Variants in KCNH7 observed in about 807,000 individuals in gnomAD.
The protein encoded by KCNH7 is voltage-gated inwardly rectifying potassium channel KCNH7.
Under a neutral mutation model 120.8 loss-of-function variants are expected in KCNH7, and 49 were observed. The observed-to-expected ratio is 0.41, with a 90% CI of 0.32 to 0.51. KCNH7 has a LOEUF of 0.51. KCNH7 is among the 20% of genes least tolerant of loss of function. The pLI is 0.38. For missense variants in KCNH7, 1,097 were observed against 1,446.6 expected (o/e 0.76, Z 3.92); for synonymous variants, 547 against 516.1 (o/e 1.06, Z -0.81).
chr2:162,659,491 G>A (rs765685372), intron 2 of KCNH7, among the ~76,000 whole-genome samples: 6 of 151,822 alleles, frequency 4.0e-5, no homozygotes, highest in East Asian at 1.9e-4. Context: ...ACAGGCATGC[G>A]CCACCACACC....
intron 2 of KCNH7, among the ~76,000 whole-genome samples, chr2:162,807,256 C>CAAAAAAA (rs745345993): frequency 1.9e-3 from 29 of 15,622 alleles, no homozygotes; most frequent in South Asian, 4.5e-3. Flanking sequence ...ACTAAAAATA[C>CAAAAAAA]AAAAAAAAAA....
chr2:162,827,283 C>T (rs1685321706), intron 2 of KCNH7, among the ~76,000 whole-genome samples: 1 of 151,992 alleles, frequency 6.6e-6, no homozygotes, highest in Non-Finnish European at 1.5e-5. Context: ...GAAAAGGACA[C>T]CATGTATGTC....
intron 6 of KCNH7, among the ~76,000 whole-genome samples, chr2:162,452,901 G>A (rs1361022204): frequency 1.3e-5 from 2 of 151,868 alleles, no homozygotes; most frequent in Non-Finnish European, 2.9e-5. Context: ...GAAACGGTTG[G>A]TCTCTCAAGG....
intron 2 of KCNH7, among the ~76,000 whole-genome samples, chr2:162,683,473 G>A (rs980283638): frequency 6.6e-6 from 1 of 151,734 alleles, no homozygotes. Flanking sequence ...ATTGAGATAG[G>A]GAAATTAGAT....
Position 162,373,528 on chromosome 2 carries a change from C to A in KCNH7, c.3266G>T (p.Arg1089Ile). ...EYQRPIIQLM[R>I]TSQPEASIKT... ...GATGGATGCTTCCGGTTGACTGGTT[C>A]TCATCAGCTGGATGATGGGTCTCTG... Residue 1089 changes from arginine to isoleucine, a missense_variant, in exon 15 of 16, where the codon AGA (arginine) becomes ATA (isoleucine). By Grantham distance (97) the Arg-to-Ile change is moderately conservative (BLOSUM62 -3). Coordinates refer to ENST00000332142, the MANE Select transcript of KCNH7 (RefSeq NM_033272.4). The A allele has an allele frequency of 6.3e-7, 1 of 1,587,616 alleles. No individual in the cohort carries two copies. The highest frequency in any genetic ancestry group is 8.6e-7 in the Non-Finnish European group (1 of 1,167,066).
At position 162,628,989 on chromosome 2, in the gene KCNH7, T is replaced by G. The variant is rs367642504; in HGVS notation, c.308-91909A>C. 7.2e-4 allele frequency among the ~76,000 whole-genome samples: 109 copies of G among 152,172 alleles called. 2 individuals are homozygous for G. In the South Asian group the frequency reaches 0.018, roughly 25 times the overall value. On this transcript the variant is annotated intron_variant, in intron 2 of 15. Transcript: ENST00000332142. ...TAAGGGCAGTAGGAATATGGCAGTA[T>G]AGCATAGAGGATTGGGACAAGGCCA...
chr2:162,467,042 T>C (rs1268894224), intron 6 of KCNH7, among the ~76,000 whole-genome samples: 1 of 152,208 alleles, frequency 6.6e-6, no homozygotes, highest in Non-Finnish European at 1.5e-5. Context: ...ATTTTAGTTC[T>C]TTCCTATGAC....
At chr2:162,785,863 T>C (rs1683681468) in intron 2 of KCNH7, among the ~76,000 whole-genome samples, 1 of 152,198 alleles carries the variant, frequency 6.6e-6, no homozygotes, top group Admixed American at 6.5e-5. Flanking sequence ...CACTGAATTG[T>C]AACTGTACCA....
chr2:162,390,134 C>G (rs1357156276), intron 12 of KCNH7, among the ~76,000 whole-genome samples: 2 of 151,770 alleles, frequency 1.3e-5, no homozygotes, highest in Non-Finnish European at 2.9e-5. Context: ...CACTTTGATA[C>G]TGTATTTTCT....
At chr2:162,628,615 C>G (rs1683642921) in intron 2 of KCNH7, among the ~76,000 whole-genome samples, 1 of 151,940 alleles carries the variant, frequency 6.6e-6, no homozygotes, top group Admixed American at 6.6e-5. Context: ...TTCAATAGGC[C>G]CCCGTGTGTG....
chr2:162,373,831 T>C (rs1686057272), intron 14 of KCNH7, among the ~76,000 whole-genome samples, 169 bp from the exon 15 acceptor site: 1 of 152,232 alleles, frequency 6.6e-6, no homozygotes. Flanking sequence ...TTACTGTGTA[T>C]GTCTCACTAA....
intron 6 of KCNH7, among the ~76,000 whole-genome samples, chr2:162,484,370 T>A (rs1690025460): frequency 6.6e-6 from 1 of 152,080 alleles, no homozygotes; most frequent in South Asian, 2.1e-4. Flanking sequence ...TGGTCCCCAT[T>A]CTCCTTTTCA....
At chr2:162,416,020 T>C (rs1454755334) in intron 9 of KCNH7, among the ~76,000 whole-genome samples, 2 of 152,180 alleles carry the variant, frequency 1.3e-5, no homozygotes, top group Non-Finnish European at 2.9e-5. Context: ...CTTTGTTCTT[T>C]AGATATCTAG....
intron 2 of KCNH7, among the ~76,000 whole-genome samples, chr2:162,548,048 A>T (rs1004232447): frequency 6.6e-6 from 1 of 152,194 alleles, no homozygotes; most frequent in Admixed American, 6.5e-5. Flanking sequence ...CTCTTCTCAC[A>T]AAAGTTCATA....
At position 162,518,106 on chromosome 2, in the gene KCNH7, C is replaced by T; in HGVS notation, c.516G>A (p.Lys172=). ...FPGLRVLTYR[K]QSLPQEDPDV... is the part of the protein sequence containing the mutation. ...CGGGGTCTTCTTGTGGTAAGGACTGCTTTCTGTAAGTGAGAACTCTCAGAC... is the reference window on the plus strand; with the variant it reads ...CGGGGTCTTCTTGTGGTAAGGACTGTTTTCTGTAAGTGAGAACTCTCAGAC... The change falls in exon 4 of 16, where the codon AAG becomes AAA. Residue 172 remains lysine (K), a synonymous_variant. Transcript: ENST00000332142. 1 of 1,612,114 alleles carries T rather than the reference C, an allele frequency of 6.2e-7. No individual in the cohort carries two copies. Among genetic ancestry groups the T allele is most frequent in the Non-Finnish European group, 8.5e-7 (1 of 1,178,720 alleles).
rs146257062 is a variant in KCNH7 at position 162,399,536 on chromosome 2, G to A, written c.2407+653C>T. Among the ~76,000 whole-genome samples the A allele has an allele frequency of 1.3e-3, 193 of 151,576 alleles. 4 individuals carry two copies. The East Asian group carries it at 0.019, about 15-fold the overall frequency. On this transcript the variant is annotated intron_variant, in intron 10 of 15. Transcript: ENST00000332142. ...TCCCTCCCCTCTCTCCACACCTCACGACAGGCCCCAGTGTGTGTACATGGC... is the reference window on the plus strand; with the variant it reads ...TCCCTCCCCTCTCTCCACACCTCACAACAGGCCCCAGTGTGTGTACATGGC...
At chr2:162,642,467 A>G (rs1298287264) in intron 2 of KCNH7, among the ~76,000 whole-genome samples, 1 of 152,200 alleles carries the variant, frequency 6.6e-6, no homozygotes, top group Non-Finnish European at 1.5e-5. Flanking sequence ...TGCAGGAGGC[A>G]TATTGCACAT....
At chr2:162,512,041 T>C (rs964453941) in intron 5 of KCNH7, among the ~76,000 whole-genome samples, 5 of 151,694 alleles carry the variant, frequency 3.3e-5, no homozygotes, top group African/African-American at 9.7e-5. Flanking sequence ...TTATCCAGAG[T>C]ATTCCCAGTT....
At chr2:162,720,812 G>A (rs140041415) in intron 2 of KCNH7, among the ~76,000 whole-genome samples, 23 of 152,232 alleles carry the variant, frequency 1.5e-4, no homozygotes, top group African/African-American at 5.1e-4. Context: ...TTCGACATGA[G>A]TGACTCCTTT....
Sources: gnomAD v4.1 joint callset for allele counts (sites outside exome capture counted in the v4.1 genomes callset) on GRCh38, gnomAD v4.1.1 for gene constraint, MANE v1.5 for transcripts, NCBI Gene and HGNC (gene_info 2026-07-23, HGNC 2026-07-21) for gene names.